Variants in PARD3B observed in about 807,000 individuals in gnomAD.
The protein encoded by PARD3B is par-3 family cell polarity regulator beta.
In PARD3B, 103 loss-of-function variants were observed where a neutral mutation model predicts 130.2. The observed-to-expected ratio is 0.79, with a 90% confidence interval of 0.67 to 0.93. The LOEUF is 0.93. Among genes scored for constraint, PARD3B ranks in the 40% least tolerant of loss-of-function variants. The pLI, the probability that PARD3B is intolerant of heterozygous loss-of-function variation, is 0.00. For missense variants in PARD3B, 1,609 were observed against 1,499.2 expected (o/e 1.07, Z -1.21); for synonymous variants, 583 against 553.2 (o/e 1.05, Z -0.76).
intron 22 of PARD3B, among the ~76,000 whole-genome samples, chr2:205,573,095 T>A (rs1393099579): frequency 2.0e-5 from 3 of 152,052 alleles, no homozygotes; most frequent in Non-Finnish European, 4.4e-5. Flanking sequence ...TCACTCACTA[T>A]CACAAGAACA....
rs1282117223 is a variant in PARD3B, at chr2:204,676,503, T to C, written c.121-9678T>C. Among the ~76,000 whole-genome samples the C allele has an allele frequency of 2.6e-5, 4 of 152,076 alleles. No homozygotes were observed. In the East Asian group the frequency reaches 7.7e-4, roughly 29 times the overall value. On this transcript the variant is annotated intron_variant, in intron 1 of 22. Coordinates refer to ENST00000406610, the MANE Select transcript of PARD3B (RefSeq NM_001302769.2). Reference sequence around the variant, plus strand: ...AAAGCCCTAAGGATCTTTGAGGTTCTAGGTGCTGTAGGTCTGAGAGTTGGA... The same window carrying C: ...AAAGCCCTAAGGATCTTTGAGGTTCCAGGTGCTGTAGGTCTGAGAGTTGGA...
intron 22 of PARD3B, among the ~76,000 whole-genome samples, chr2:205,598,539 C>T (rs1411959168): frequency 6.6e-6 from 1 of 152,206 alleles, no homozygotes. Context: ...ACCCCACTCA[C>T]AGCATTAGTT....
chr2:204,773,396 ATAT>A (rs1465320399), intron 2 of PARD3B, among the ~76,000 whole-genome samples: 2 of 151,420 alleles, frequency 1.3e-5, no homozygotes, highest in Non-Finnish European at 3.0e-5. Context: ...GCATATATAT[ATAT>A]TTTTTTTCTT....
At chr2:204,740,105 C>G (rs2039938696) in intron 2 of PARD3B, among the ~76,000 whole-genome samples, 1 of 152,000 alleles carries the variant, frequency 6.6e-6, no homozygotes, top group Admixed American at 6.6e-5. Flanking sequence ...CCTCTACCTC[C>G]CAGGTTCGAG....
chr2:204,883,165 A>C (rs1346328661), intron 2 of PARD3B, among the ~76,000 whole-genome samples: 1 of 151,770 alleles, frequency 6.6e-6, no homozygotes, highest in African/African-American at 2.4e-5. Context: ...ATAATTACTT[A>C]CCCAATAAAT....
chr2:204,950,196 G>T (rs1454344348), intron 2 of PARD3B, among the ~76,000 whole-genome samples: 1 of 152,024 alleles, frequency 6.6e-6, no homozygotes, highest in Non-Finnish European at 1.5e-5. Context: ...AACCTAACCT[G>T]CCCCCCTCCC....
intron 1 of PARD3B, among the ~76,000 whole-genome samples, chr2:204,572,286 G>A (rs1206446233): frequency 2.0e-5 from 3 of 152,096 alleles, no homozygotes; most frequent in Non-Finnish European, 4.4e-5. Context: ...AGACAAGAGG[G>A]GATAAAAAGA....
rs60473341 is a variant in PARD3B at position 204,861,924 on chromosome 2, CAAAAAAAA to C, written c.223-103208_223-103201del. ...AAGACATTTAAAAGAAGACATTTCT[CAAAAAAAA>C]AAAAAAAAAAAAAAAAAAAGAAATG... On this transcript the variant is annotated intron_variant, in intron 2 of 22. Coordinates refer to ENST00000406610, the MANE Select transcript of PARD3B (RefSeq NM_001302769.2). Among the ~76,000 whole-genome samples the C allele has an allele frequency of 7.6e-4, 26 of 34,068 alleles. 1 individual carries two copies. The highest frequency in any genetic ancestry group is 1.8e-3 in the African/African-American group (21 of 11,366). 22.3% of individuals were successfully genotyped at this position (34,068 alleles called of 152,430 possible). A position where few individuals can be genotyped will look rare whatever the true frequency, so the allele number is the denominator to read the frequency against.
chr2:204,723,473 TGGATTTTTC>T (rs1292190321), intron 2 of PARD3B, among the ~76,000 whole-genome samples: 1 of 152,196 alleles, frequency 6.6e-6, no homozygotes, highest in Non-Finnish European at 1.5e-5. Context: ...TTTGGTTTAT[TGGATTTTTC>T]ATTATTCACT....
At chr2:204,721,747 G>A (rs1342475361) in intron 2 of PARD3B, among the ~76,000 whole-genome samples, 2 of 152,100 alleles carry the variant, frequency 1.3e-5, no homozygotes, top group Admixed American at 1.3e-4. Flanking sequence ...AGTAAATTAT[G>A]TGATTCCTTT....
At chr2:204,930,871 A>T (rs1687978423) in intron 2 of PARD3B, among the ~76,000 whole-genome samples, 2 of 152,032 alleles carry the variant, frequency 1.3e-5, no homozygotes, top group African/African-American at 4.8e-5. Context: ...TGGTTTCCCT[A>T]TTACTGCAGA....
chr2:205,597,048 T>TA (rs895426369), intron 22 of PARD3B, among the ~76,000 whole-genome samples: 3 of 152,068 alleles, frequency 2.0e-5, no homozygotes, highest in African/African-American at 7.2e-5. Context: ...TTTTTTTTTT[T>TA]AATTTTTATT....
intron 4 of PARD3B, among the ~76,000 whole-genome samples, chr2:205,052,440 T>C (rs963040629): frequency 1.5e-3 from 54 of 35,628 alleles, no homozygotes; most frequent in African/African-American, 2.7e-3. Flanking sequence ...TATATATATA[T>C]ATATATATAT....
intron 22 of PARD3B, among the ~76,000 whole-genome samples, chr2:205,573,876 C>T (rs1004645773): frequency 3.9e-5 from 6 of 152,108 alleles, no homozygotes; most frequent in Non-Finnish European, 7.4e-5. Context: ...CTTTCTCTGT[C>T]GGCACTTAAA....
At chr2:204,554,911 G>GT (rs2030810961) in intron 1 of PARD3B, among the ~76,000 whole-genome samples, 1 of 152,176 alleles carries the variant, frequency 6.6e-6, no homozygotes, top group Non-Finnish European at 1.5e-5. Flanking sequence ...TTTGTGGAGG[G>GT]CTACCATCAT....
chr2:205,599,928 A>G lies in PARD3B; in HGVS notation c.3261-15528A>G, dbSNP rs534929358. Among the ~76,000 whole-genome samples the G allele has an allele frequency of 5.3e-5, 8 of 152,298 alleles. No homozygotes were observed. The South Asian group carries it at 1.7e-3, about 32-fold the overall frequency. ...TTTGGGCTGGTCCTATGGTTACAGT[A>G]TTACCATGCTTTCATCCGAGAGTGT... On this transcript the variant is annotated intron_variant, in intron 22 of 22. Coordinates refer to ENST00000406610, the MANE Select transcript of PARD3B (RefSeq NM_001302769.2).
chr2:205,416,315 C>G (rs2046773371), intron 19 of PARD3B, among the ~76,000 whole-genome samples: 1 of 152,120 alleles, frequency 6.6e-6, no homozygotes, highest in Admixed American at 6.6e-5. Flanking sequence ...GCTACATCCT[C>G]TTATGAGCAT....
At chr2:205,607,753 A>T (rs2055053908) in intron 22 of PARD3B, among the ~76,000 whole-genome samples, 1 of 151,938 alleles carries the variant, frequency 6.6e-6, no homozygotes, top group Non-Finnish European at 1.5e-5. Flanking sequence ...TGAATTTCAG[A>T]GTAAGACAAT....
At chr2:205,555,177 A>T in intron 22 of PARD3B, among the ~76,000 whole-genome samples, 1 of 152,200 alleles carries the variant, frequency 6.6e-6, no homozygotes, top group East Asian at 1.9e-4. Flanking sequence ...TTCCTGACCA[A>T]TCTGCACTCA....
Sources: allele counts gnomAD v4.1 joint callset (sites outside exome capture counted in the v4.1 genomes callset), GRCh38; gene constraint gnomAD v4.1.1; transcripts MANE v1.5; gene names NCBI Gene and HGNC (gene_info 2026-07-23, HGNC 2026-07-21).